Variants in XIRP2 observed in about 807,000 individuals in gnomAD.
The protein encoded by XIRP2 is xin actin binding repeat containing 2.
In XIRP2, 236 loss-of-function variants were observed where a neutral mutation model predicts 277.0. That is an observed-to-expected ratio of 0.85 (90% CI 0.77 to 0.95). The LOEUF (loss-of-function observed/expected upper bound fraction) is 0.95, where lower values mean the gene tolerates loss of function less well. Ranked by LOEUF, XIRP2 falls within the 40% of genes least tolerant of loss-of-function variation. XIRP2 has a pLI of 0.00. For synonymous variants in XIRP2, 1,490 were observed against 1,416.5 expected (o/e 1.05, Z -1.17); for missense variants, 4,640 against 4,157.5 (o/e 1.12, Z -3.19).
At position 167,251,750 on chromosome 2, in the gene XIRP2, A is replaced by T. The variant is rs1422478128; in HGVS notation, c.10358A>T (p.His3453Leu). 1 of 1,613,400 alleles carries T rather than the reference A, an allele frequency of 6.2e-7. No homozygotes were observed. Among genetic ancestry groups the T allele is most frequent in the African/African-American group, 1.3e-5 (1 of 74,948 alleles). ...GGCAAATCTGGCTGTGACTTCAAGCATGCCCCACCAACCTATGAGGATGTC... is the reference window on the plus strand; with the variant it reads ...GGCAAATCTGGCTGTGACTTCAAGCTTGCCCCACCAACCTATGAGGATGTC... ...EAGKSGCDFK[H>L]APPTYEDVIA... The change falls in exon 9 of 11, where the codon CAT becomes CTT. Residue 3453 changes from histidine to leucine, a missense_variant. By Grantham distance (99) the His-to-Leu change is moderately conservative. Coordinates refer to ENST00000409195, the MANE Select transcript of XIRP2 (RefSeq NM_152381.6).
At chr2:167,124,921 T>G (rs1003838991) in intron 2 of XIRP2, among the ~76,000 whole-genome samples, 3 of 152,278 alleles carry the variant, frequency 2.0e-5, no homozygotes, top group South Asian at 2.1e-4. Flanking sequence ...CAGATCAGAC[T>G]GGTGGAACCC....
At chr2:166,975,010 T>C (rs1199880211) in intron 2 of XIRP2, among the ~76,000 whole-genome samples, 3 of 152,048 alleles carry the variant, frequency 2.0e-5, no homozygotes, top group African/African-American at 7.2e-5. Flanking sequence ...AAAATAGACT[T>C]CAAGACAAGA....
Position 167,249,626 on chromosome 2 carries a change from A to G in XIRP2, c.8234A>G (p.Lys2745Arg). Residue 2745 changes from lysine (K) to arginine (R), a missense_variant, in exon 9 of 11, where the codon AAA becomes AGA. Transcript: ENST00000409195. ...QSEIDVQTFTKKQYLKTKKTE... is the reference protein window; with the variant it reads ...QSEIDVQTFTRKQYLKTKKTE... Reference sequence around the variant, plus strand: ...GAGATTGATGTTCAAACCTTTACCAAAAAACAATATCTGAAAACCAAGAAA... The same window carrying G: ...GAGATTGATGTTCAAACCTTTACCAGAAAACAATATCTGAAAACCAAGAAA... The G allele has an allele frequency of 6.2e-7, 1 of 1,613,646 alleles. No individual in the cohort carries two copies. Among genetic ancestry groups the G allele is most frequent in the Non-Finnish European group, 8.5e-7 (1 of 1,179,804 alleles).
At chr2:167,207,549 A>G (rs1693892152) in intron 3 of XIRP2, among the ~76,000 whole-genome samples, 1 of 152,172 alleles carries the variant, frequency 6.6e-6, no homozygotes, top group African/African-American at 2.4e-5. Flanking sequence ...TAAATGTTTT[A>G]AACATGGACT....
At chr2:166,997,189 A>AT (rs1687244330) in intron 2 of XIRP2, among the ~76,000 whole-genome samples, 1 of 152,102 alleles carries the variant, frequency 6.6e-6, no homozygotes, top group African/African-American at 2.4e-5. Context: ...TTTTCACAGG[A>AT]TTTTTTATTA....
intron 3 of XIRP2, among the ~76,000 whole-genome samples, chr2:167,206,308 C>A (rs1446547281): frequency 6.6e-6 from 1 of 152,136 alleles, no homozygotes; most frequent in Non-Finnish European, 1.5e-5. Context: ...ACTTCCCCAT[C>A]CTCACACTGA....
intron 2 of XIRP2, among the ~76,000 whole-genome samples, chr2:166,952,936 A>G (rs1686072514): frequency 6.6e-6 from 1 of 152,032 alleles, no homozygotes; most frequent in South Asian, 2.1e-4. Context: ...GCAGATGTGG[A>G]CAATATCAAA....
chr2:166,977,223 T>TG (rs1353929912), intron 2 of XIRP2, among the ~76,000 whole-genome samples: 2 of 152,200 alleles, frequency 1.3e-5, no homozygotes, highest in Admixed American at 6.5e-5. Flanking sequence ...TTGTCTTGCT[T>TG]GAACTTTGCT....
intron 2 of XIRP2, among the ~76,000 whole-genome samples, chr2:166,973,944 A>G (rs1686645068): frequency 6.6e-6 from 1 of 152,216 alleles, no homozygotes; most frequent in African/African-American, 2.4e-5. Flanking sequence ...GAATTTTAAA[A>G]TTCATTAAGG....
At chr2:166,907,181 G>A (rs1178499114) in intron 2 of XIRP2, among the ~76,000 whole-genome samples, 1 of 152,048 alleles carries the variant, frequency 6.6e-6, no homozygotes, top group Non-Finnish European at 1.5e-5. Context: ...TGCTTATGAG[G>A]CAGACTATAA....
rs1430305916 is a variant in XIRP2 at position 166,937,838 on chromosome 2, T to C, written c.408+33948T>C. ...TTTAGTGTTGGGAGGGTGTATGTGT[T>C]GAGGAATTTATCCATTTCTTCTAGA... On this transcript the variant is annotated intron_variant, in intron 2 of 10. Transcript: ENST00000409195. 5.3e-5 allele frequency among the ~76,000 whole-genome samples: 8 copies of C among 152,270 alleles called. 1 individual carries two copies. The highest frequency in any genetic ancestry group is 1.7e-4 in the African/African-American group (7 of 41,558).
In XIRP2 at chr2:167,251,805, T is replaced by C; in HGVS notation, c.10413T>C (p.Asp3471=). Residue 3471 remains aspartate (D), a synonymous_variant, in exon 9 of 11, where the codon GAT becomes GAC. Coordinates refer to ENST00000409195, the MANE Select transcript of XIRP2 (RefSeq NM_152381.6). ...CTGGACATATTTTAGATATCTCTGA[T>C]TCACCTAAAGAAGTAAGAAAAAATT... ...VIAGHILDIS[D]SPKEVRKNFQ... 1 of 1,613,374 alleles carries C rather than the reference T, an allele frequency of 6.2e-7. No homozygotes were observed. Among genetic ancestry groups the C allele is most frequent in the South Asian group, 1.1e-5 (1 of 91,070 alleles).
chr2:167,031,334 G>C (rs1162371747), intron 2 of XIRP2, among the ~76,000 whole-genome samples: 1 of 152,034 alleles, frequency 6.6e-6, no homozygotes, highest in Non-Finnish European at 1.5e-5. Context: ...TGGGATACCG[G>C]TTTTTCCTTT....
intron 1 of XIRP2, among the ~76,000 whole-genome samples, chr2:166,892,979 T>TACACACACACACACACACACACAC (rs572313151): frequency 5.5e-5 from 8 of 145,888 alleles, no homozygotes; most frequent in African/African-American, 2.1e-4. Flanking sequence ...TATATATGTA[T>TACACACACACACACACACACACAC]ATACACACAC....
chr2:167,025,729 G>A (rs1184787268), intron 2 of XIRP2, among the ~76,000 whole-genome samples: 2 of 152,116 alleles, frequency 1.3e-5, no homozygotes, highest in Admixed American at 1.3e-4. Context: ...AGTCATTCAG[G>A]AGCAGGTTGT....
intron 2 of XIRP2, among the ~76,000 whole-genome samples, chr2:167,077,218 G>A (rs1031160603): frequency 1.3e-5 from 2 of 152,024 alleles, no homozygotes; most frequent in Non-Finnish European, 2.9e-5. Context: ...TTCACTGAAG[G>A]AAAATTTTGG....
intron 2 of XIRP2, among the ~76,000 whole-genome samples, chr2:167,012,272 A>G (rs972608628): frequency 2.0e-5 from 3 of 151,574 alleles, no homozygotes; most frequent in Non-Finnish European, 4.4e-5. Flanking sequence ...CTTTGTTCTC[A>G]TTGGTTTCAA....
At chr2:167,228,264 A>G (rs1316322815) in intron 5 of XIRP2, among the ~76,000 whole-genome samples, 2 of 152,204 alleles carry the variant, frequency 1.3e-5, no homozygotes, top group East Asian at 1.9e-4. Context: ...AGGCATGATC[A>G]TAAAGTTTCA....
intron 2 of XIRP2, among the ~76,000 whole-genome samples, chr2:166,962,038 A>G (rs1304834226): frequency 6.6e-6 from 1 of 151,618 alleles, no homozygotes; most frequent in African/African-American, 2.4e-5. Context: ...TGGCCATAAA[A>G]GTTCAAGGGA....
Sources: allele counts gnomAD v4.1 joint callset (sites outside exome capture counted in the v4.1 genomes callset), GRCh38; gene constraint gnomAD v4.1.1; transcripts MANE v1.5; gene names NCBI Gene and HGNC (gene_info 2026-07-23, HGNC 2026-07-21).